The following GSE1 variants were observed in gnomAD, a reference collection of about 807,000 sequenced individuals.
The protein encoded by GSE1 is Gse1 coiled-coil protein.
Under a neutral mutation model 112.6 loss-of-function variants are expected in GSE1, and 32 were observed. The ratio of observed to expected loss-of-function variants is 0.28; its 90% CI spans 0.21 to 0.38. The LOEUF (loss-of-function observed/expected upper bound fraction) is 0.38. Among genes scored for constraint, GSE1 ranks in the 10% least tolerant of loss-of-function variants. GSE1 has a pLI of 1.00. For synonymous variants in GSE1, 1,115 were observed against 735.6 expected, an observed-to-expected ratio of 1.52 and a Z score of -8.35; for missense variants, 2,348 against 1,699.2, an observed-to-expected ratio of 1.38 and a Z score of -6.71.
rs75246025 is a variant in GSE1, at chr16:85,636,858, C to G, written c.226+2726C>G. 8.7e-3 allele frequency among the ~76,000 whole-genome samples: 1,325 copies of G among 152,322 alleles called. 15 individuals carry two copies. The highest frequency in any genetic ancestry group is 0.03 in the African/African-American group (1,253 of 41,566). On this transcript the variant is annotated intron_variant, in intron 2 of 15. Transcript: ENST00000253458. ...CTGGCTGTCAGCACGCTGACCCTGC[C>G]TCCCTGTGGGTTGTGGAGTCCTGGA... is the stretch of plus-strand genomic sequence containing the variant.
chr16:85,314,191 C>T (rs748722034), intron 1 of GSE1, among the ~76,000 whole-genome samples: 15 of 152,042 alleles, frequency 9.9e-5, no homozygotes, highest in Admixed American at 2.0e-4. Flanking sequence ...TCACAGAGCC[C>T]GGGGAGTGAG....
intron 2 of GSE1, among the ~76,000 whole-genome samples, chr16:85,415,793 C>G (rs2048691208): frequency 6.6e-6 from 1 of 152,236 alleles, no homozygotes; most frequent in Admixed American, 6.5e-5. Context: ...GTTTTATTGG[C>G]AGGCAGGCCC....
chr16:85,311,405 C>T lies in GSE1; in HGVS notation c.2284-46058C>T, dbSNP rs1287893922. ...TGGTGCAGACAGCCCAGGTCAGCAG[C>T]AGCATCGGAGGCAACCTGCCCTCGT... On this transcript the variant is annotated intron_variant, in intron 1 of 2. Coordinates refer to the GSE1 transcript ENST00000637419. The surrounding 1 kb of genome is among the most constrained non-coding windows in gnomAD (Gnocchi z 4.2). 7.9e-5 allele frequency among the ~76,000 whole-genome samples: 12 copies of T among 152,194 alleles called. No individual in the cohort carries two copies. Among genetic ancestry groups the T allele is most frequent in the Admixed American group, 7.2e-4 (11 of 15,284 alleles).
At chr16:85,280,088 C>T (rs1254375511) in intron 1 of GSE1, among the ~76,000 whole-genome samples, 3 of 152,200 alleles carry the variant, frequency 2.0e-5, no homozygotes, top group South Asian at 2.1e-4. Context: ...GCCCAGCGCT[C>T]GGAAGGTCTG....
At chr16:85,333,907 C>T (rs2046427622) in intron 1 of GSE1, among the ~76,000 whole-genome samples, 1 of 152,244 alleles carries the variant, frequency 6.6e-6, no homozygotes. Flanking sequence ...ACGCTGTTGA[C>T]ATTGGGGATG....
rs7206492 is a variant in GSE1 at position 85,577,101 on chromosome 16, G to A, written c.37+20738G>A. Reference sequence around the variant, plus strand: ...TCCTGGAGGTGAGCTGACCTTCCCCGGGCACCCGGCCAGGGGCATCACAGT... The same window carrying A: ...TCCTGGAGGTGAGCTGACCTTCCCCAGGCACCCGGCCAGGGGCATCACAGT... On this transcript the variant is annotated intron_variant, in intron 1 of 2. Coordinates refer to the GSE1 transcript ENST00000635906. Among the ~76,000 whole-genome samples the A allele has an allele frequency of 3.4e-3, 509 of 151,472 alleles. 1 individual carries two copies. The highest frequency in any genetic ancestry group is 0.011 in the African/African-American group (447 of 41,126).
At chr16:85,575,916 T>C (rs1187770069) in intron 1 of GSE1, among the ~76,000 whole-genome samples, 1 of 152,140 alleles carries the variant, frequency 6.6e-6, no homozygotes, top group Non-Finnish European at 1.5e-5. Flanking sequence ...TTTTTTTTTT[T>C]TTCCCCTTCC....
At chr16:85,355,212 C>T (rs1452580280) in intron 1 of GSE1, among the ~76,000 whole-genome samples, 1 of 151,862 alleles carries the variant, frequency 6.6e-6, no homozygotes, top group Non-Finnish European at 1.5e-5. Context: ...TTTTATAGCA[C>T]TAATCCCTAA....
At chr16:85,583,061 G>A (rs1216094725) in intron 1 of GSE1, among the ~76,000 whole-genome samples, 1 of 152,138 alleles carries the variant, frequency 6.6e-6, no homozygotes, top group Non-Finnish European at 1.5e-5. Flanking sequence ...TCCCCGCAGG[G>A]TACACCCCCA....
chr16:85,217,526 G>T (rs1025236093), intron 1 of GSE1, among the ~76,000 whole-genome samples: 1 of 152,372 alleles, frequency 6.6e-6, no homozygotes, highest in East Asian at 1.9e-4. Flanking sequence ...GGCTCAGAGA[G>T]TGCGTGACTT....
At chr16:85,265,932 G>A (rs982639709) in intron 1 of GSE1, among the ~76,000 whole-genome samples, 3 of 152,164 alleles carry the variant, frequency 2.0e-5, no homozygotes, top group Admixed American at 6.5e-5. Flanking sequence ...TTCTGGGTCC[G>A]CTGTGCCTGG....
chr16:85,278,904 CTT>C (rs1296187405), intron 1 of GSE1: 1 of 168,824 alleles, frequency 5.9e-6, no homozygotes, highest in African/African-American at 2.4e-5. Context: ...GCGAATGACT[CTT>C]TCTTGGTTCA....
intron 1 of GSE1, among the ~76,000 whole-genome samples, chr16:85,316,457 A>C (rs1453849516): frequency 6.6e-6 from 1 of 152,106 alleles, no homozygotes; most frequent in Non-Finnish European, 1.5e-5. Context: ...TCTTGCACCC[A>C]CACCTCCCAG....
intron 1 of GSE1, among the ~76,000 whole-genome samples, chr16:85,251,529 G>C (rs556659286): frequency 2.0e-5 from 3 of 152,284 alleles, no homozygotes; most frequent in Admixed American, 2.0e-4. Context: ...CTCGAACCCT[G>C]CTCCGCCTGA....
intron 2 of GSE1, among the ~76,000 whole-genome samples, chr16:85,515,481 C>T (rs1171197677): frequency 3.3e-5 from 5 of 152,136 alleles, no homozygotes; most frequent in African/African-American, 1.2e-4. Flanking sequence ...GATCTGGCAG[C>T]GGGTGGGCGG....
At chr16:85,591,648 G>C (rs1335883643) in intron 1 of GSE1, among the ~76,000 whole-genome samples, 1 of 152,238 alleles carries the variant, frequency 6.6e-6, no homozygotes, top group African/African-American at 2.4e-5. Context: ...GGGGCTCCTG[G>C]CTGCAGGCAG....
chr16:85,661,665 C>T lies in GSE1; in HGVS notation c.2160C>T (p.Pro720=), dbSNP rs748056434. ...ACCGGCCCCCAGTGCCACGGGCCCC[C>T]GACCCTGCCTACATCTATGATGAGT... is the stretch of plus-strand genomic sequence containing the variant. ...SPYRPPVPRA[P]DPAYIYDEFL... Residue 720 remains proline (P), a synonymous_variant, in exon 9 of 16, where the codon CCC becomes CCT. Coordinates refer to ENST00000253458, the MANE Select transcript of GSE1 (RefSeq NM_014615.5). The T allele has an allele frequency of 9.9e-6, 16 of 1,610,758 alleles. No homozygotes were observed. The Admixed American group carries it at 1.3e-4, about 13-fold the overall frequency.
intron 1 of GSE1, among the ~76,000 whole-genome samples, chr16:85,627,043 C>CTTTTTTTTTTTTTTTTTTT (rs1310553127): frequency 3.5e-5 from 1 of 28,672 alleles, no homozygotes; most frequent in Non-Finnish European, 6.1e-5. Flanking sequence ...TTTCTTCTTG[C>CTTTTTTTTTTTTTTTTTTT]CTTTTTTTTT....
chr16:85,656,376 G>A lies in GSE1; in HGVS notation c.1023G>A (p.Arg341=). The A allele has an allele frequency of 1.9e-6, 3 of 1,598,682 alleles. No homozygotes were observed. The highest frequency in any genetic ancestry group is 2.6e-6 in the Non-Finnish European group (3 of 1,172,194). The change falls in exon 7 of 16, where the codon AGG becomes AGA. Residue 341 remains arginine (R), a synonymous_variant. Transcript: ENST00000253458. Reference sequence around the variant, plus strand: ...TGGACGAGGAGCTAAGGCGGGAGAGGGAGCGCGAGCGCGAGCGCGAGCGTG... The same window carrying A: ...TGGACGAGGAGCTAAGGCGGGAGAGAGAGCGCGAGCGCGAGCGCGAGCGTG... ...LQMDEELRRE[R]ERERERERER... is the part of the protein sequence containing the mutation.
Sources: gnomAD v4.1 joint callset for allele counts (sites outside exome capture counted in the v4.1 genomes callset) on GRCh38, gnomAD v4.1.1 for gene constraint, Gnocchi (gnomAD v3.1) non-coding constraint, MANE v1.5 for transcripts, NCBI Gene and HGNC (gene_info 2026-07-23, HGNC 2026-07-21) for gene names.